SRGAP3: variants seen among roughly 807,000 people sequenced by gnomAD.
The protein encoded by SRGAP3 is SLIT-ROBO Rho GTPase activating protein 3, also known as SLIT-ROBO Rho GTPase-activating protein 3.
SRGAP3 carries 39 observed loss-of-function variants against 121.1 expected under a neutral mutation model. That is an observed-to-expected ratio of 0.32 (90% CI 0.25 to 0.42). The LOEUF is 0.42. SRGAP3 is among the 10% of genes least tolerant of loss of function. SRGAP3 has a pLI of 1.00. For synonymous variants in SRGAP3, 601 were observed against 570.0 expected, an observed-to-expected ratio of 1.05 and a Z score of -0.77; for missense variants, 1,213 against 1,470.6, an observed-to-expected ratio of 0.82 and a Z score of 2.86.
intron 6 of SRGAP3, chr3:9,059,943 G>C: frequency 2.3e-6 from 1 of 426,050 alleles, no homozygotes; most frequent in Non-Finnish European, 4.4e-6. Flanking sequence ...CAAAGGACCT[G>C]GTGTCCAGGA....
intron 3 of SRGAP3, among the ~76,000 whole-genome samples, chr3:9,090,062 A>G (rs1017626393): frequency 6.6e-6 from 1 of 152,086 alleles, no homozygotes; most frequent in Non-Finnish European, 1.5e-5. Flanking sequence ...AGGATCCCAT[A>G]CATTTTCATT....
intron 3 of SRGAP3, among the ~76,000 whole-genome samples, chr3:9,291,224 C>T (rs1954863315): frequency 6.6e-6 from 1 of 152,152 alleles, no homozygotes. Context: ...TCTCAATGAA[C>T]ATGGTATGGT....
At chr3:9,307,465 G>A (rs1333671918) in intron 3 of SRGAP3, among the ~76,000 whole-genome samples, 2 of 152,228 alleles carry the variant, frequency 1.3e-5, no homozygotes, top group Non-Finnish European at 1.5e-5. Context: ...AACAATGGGA[G>A]GGAGAGCAGC....
At chr3:9,148,351 G>A (rs1186970486) in intron 1 of SRGAP3, among the ~76,000 whole-genome samples, 3 of 152,174 alleles carry the variant, frequency 2.0e-5, no homozygotes, top group African/African-American at 7.2e-5. Context: ...CAATTTTGGG[G>A]GCAGTGCCTC....
chr3:9,229,460 G>A (rs141343849), intron 1 of SRGAP3, among the ~76,000 whole-genome samples: 11 of 152,276 alleles, frequency 7.2e-5, no homozygotes, highest in African/African-American at 2.6e-4. Context: ...CCGGACAGAG[G>A]CCGGCATGGC....
chr3:9,136,373 G>T (rs1244466257), intron 1 of SRGAP3, among the ~76,000 whole-genome samples: 1 of 149,146 alleles, frequency 6.7e-6, no homozygotes, highest in African/African-American at 2.5e-5. Context: ...GCGCGCCGTT[G>T]CCACGGCAAC....
At chr3:9,219,981 G>A (rs916849617) in intron 1 of SRGAP3, among the ~76,000 whole-genome samples, 3 of 152,198 alleles carry the variant, frequency 2.0e-5, no homozygotes, top group African/African-American at 7.2e-5. Context: ...AGCTAAAAAT[G>A]TTGATCTCAT....
chr3:9,148,770 A>G (rs1950111124), intron 1 of SRGAP3, among the ~76,000 whole-genome samples: 1 of 152,184 alleles, frequency 6.6e-6, no homozygotes, highest in Admixed American at 6.5e-5. Context: ...TCTGGGGGCC[A>G]AGTGCTTCTG....
At chr3:9,038,256 T>C (rs1944860325) in intron 10 of SRGAP3, among the ~76,000 whole-genome samples, 166 bp from the exon 11 acceptor site, 2 of 152,262 alleles carry the variant, frequency 1.3e-5, no homozygotes, top group Admixed American at 6.5e-5. Flanking sequence ...GTCTTATTAA[T>C]TCTTCATTAA....
chr3:9,286,814 G>A (rs1265476077), intron 3 of SRGAP3, among the ~76,000 whole-genome samples: 1 of 151,626 alleles, frequency 6.6e-6, no homozygotes, highest in Non-Finnish European at 1.5e-5. Flanking sequence ...GTGTTAGCCA[G>A]GATGGTCTCG....
intron 2 of SRGAP3, among the ~76,000 whole-genome samples, chr3:9,118,937 T>G (rs1210029497): frequency 1.3e-5 from 2 of 152,212 alleles, no homozygotes; most frequent in Non-Finnish European, 2.9e-5. Context: ...CCCCTTTCCC[T>G]GTCCTCCCTA....
intron 1 of SRGAP3, among the ~76,000 whole-genome samples, chr3:9,203,324 T>G (rs544062516): frequency 6.6e-6 from 1 of 152,346 alleles, no homozygotes; most frequent in African/African-American, 2.4e-5. Context: ...ACTTAGGTGC[T>G]GGGCACCCTG....
At chr3:9,247,933 T>C (rs1204723523) in intron 1 of SRGAP3, among the ~76,000 whole-genome samples, 1 of 152,116 alleles carries the variant, frequency 6.6e-6, no homozygotes, top group Non-Finnish European at 1.5e-5. Context: ...CGTGTAGGGG[T>C]GGGAGAAGCC....
At chr3:9,185,951 G>T (rs186202991) in intron 1 of SRGAP3, among the ~76,000 whole-genome samples, 29 of 152,254 alleles carry the variant, frequency 1.9e-4, no homozygotes, top group Admixed American at 7.9e-4. Flanking sequence ...TCAGTTGAGC[G>T]GCCAGGAGTG....
At position 8,985,569 on chromosome 3, in the gene SRGAP3, TG is replaced by T; in HGVS notation, c.3249del (p.Thr1084ProfsTer64). 1 of 1,598,386 alleles carries T rather than the reference TG, an allele frequency of 6.3e-7. No individual in the cohort carries two copies. Among genetic ancestry groups the T allele is most frequent in the Non-Finnish European group, 8.5e-7 (1 of 1,179,352 alleles). On this transcript the variant is annotated frameshift_variant, in exon 22 of 22. Transcript: ENST00000383836. LOFTEE classifies it high-confidence loss of function. This position sits in a 1 kb window ranked among gnomAD's most constrained non-coding sequence, Gnocchi z 5.1. Reference protein sequence around the residue: ...SSGVGSPAVTPTEKMFPNSSA... With the variant: ...SSGVGSPAVTXTEKMFPNSSA... Reference sequence around the variant, plus strand: ...GAGCTGTTGGGGAACATCTTCTCGGTGGGCGTCACGGCCGGGCTGCCCACGC... The same window carrying T: ...GAGCTGTTGGGGAACATCTTCTCGGTGGCGTCACGGCCGGGCTGCCCACGC...
intron 1 of SRGAP3, among the ~76,000 whole-genome samples, chr3:9,152,730 C>G (rs2125058492): frequency 6.6e-6 from 1 of 152,324 alleles, no homozygotes; most frequent in Admixed American, 6.5e-5. Context: ...CCACCAGATT[C>G]CCCTTCAGGA....
chr3:9,222,991 C>T (rs1028544929), intron 1 of SRGAP3, among the ~76,000 whole-genome samples: 5 of 152,212 alleles, frequency 3.3e-5, no homozygotes, highest in Non-Finnish European at 7.3e-5. Flanking sequence ...CAAGACATTG[C>T]CACTATGCCA....
chr3:9,030,465 G>C (rs767419427), intron 12 of SRGAP3, among the ~76,000 whole-genome samples: 10 of 152,182 alleles, frequency 6.6e-5, no homozygotes, highest in Non-Finnish European at 1.2e-4. Context: ...TGAATACATA[G>C]TCTTGGCCCC....
chr3:9,355,092 T>C (rs926780128), intron 1 of SRGAP3, among the ~76,000 whole-genome samples: 2 of 152,234 alleles, frequency 1.3e-5, no homozygotes, highest in Admixed American at 1.3e-4. Context: ...TGGCCATGCA[T>C]CTGTCAGCAG....
Sources: allele counts gnomAD v4.1 joint callset (sites outside exome capture counted in the v4.1 genomes callset), GRCh38; gene constraint gnomAD v4.1.1; non-coding constraint Gnocchi (gnomAD v3.1); transcripts MANE v1.5; gene names NCBI Gene and HGNC (gene_info 2026-07-23, HGNC 2026-07-21).